MARCHF1: variants seen among roughly 807,000 people sequenced by gnomAD.
MARCHF1 encodes the protein E3 ubiquitin-protein ligase MARCHF1.
MARCHF1 carries 40 observed loss-of-function variants against 54.2 expected under a neutral mutation model. The observed-to-expected ratio is 0.74, with a 90% confidence interval of 0.57 to 0.96. The LOEUF is 0.96. Among genes scored for constraint, MARCHF1 ranks in the 40% least tolerant of loss-of-function variants. The pLI is 0.00. For synonymous variants in MARCHF1, 236 were observed against 236.3 expected (o/e 1.00, Z 0.01); for missense variants, 586 against 656.5 (o/e 0.89, Z 1.17).
intron 3 of MARCHF1, among the ~76,000 whole-genome samples, chr4:163,862,107 C>A (rs115617518): frequency 0.011 from 1,633 of 152,038 alleles, 24 homozygotes; most frequent in Non-Finnish European, 0.018. Context: ...AAACTGTAAA[C>A]CTCTACAAAG....
chr4:164,088,771 T>A (rs1755241591), intron 2 of MARCHF1, among the ~76,000 whole-genome samples: 1 of 151,924 alleles, frequency 6.6e-6, no homozygotes, highest in Non-Finnish European at 1.5e-5. Context: ...ACAAAATAAG[T>A]AACCAAATAA....
At chr4:164,056,603 G>A (rs1754496127) in intron 2 of MARCHF1, among the ~76,000 whole-genome samples, 1 of 152,098 alleles carries the variant, frequency 6.6e-6, no homozygotes, top group African/African-American at 2.4e-5. Context: ...TTTCCGACTT[G>A]TTCATTTAGA....
At chr4:163,745,902 A>G (rs1746344589) in intron 4 of MARCHF1, among the ~76,000 whole-genome samples, 1 of 152,198 alleles carries the variant, frequency 6.6e-6, no homozygotes, top group African/African-American at 2.4e-5. Context: ...TTGAAGGGAA[A>G]GCACACAGAT....
At chr4:164,320,637 GA>G (rs1735116679) in intron 1 of MARCHF1, among the ~76,000 whole-genome samples, 1 of 152,174 alleles carries the variant, frequency 6.6e-6, no homozygotes, top group Non-Finnish European at 1.5e-5. Flanking sequence ...AACACACAGA[GA>G]AGACTGAAAA....
At chr4:163,749,010 T>A (rs1282666174) in intron 4 of MARCHF1, among the ~76,000 whole-genome samples, 2 of 152,212 alleles carry the variant, frequency 1.3e-5, no homozygotes, top group African/African-American at 4.8e-5. Flanking sequence ...CTAACAGGTG[T>A]TGGTAATATT....
At chr4:163,773,652 G>C (rs538127168) in intron 4 of MARCHF1, among the ~76,000 whole-genome samples, 24 of 152,250 alleles carry the variant, frequency 1.6e-4, no homozygotes, top group African/African-American at 5.8e-4. Context: ...GTGTGAGACT[G>C]ACAAAAGCAA....
At chr4:164,375,245 G>A (rs1158483877) in intron 1 of MARCHF1, among the ~76,000 whole-genome samples, 1 of 151,984 alleles carries the variant, frequency 6.6e-6, no homozygotes, top group Non-Finnish European at 1.5e-5. Context: ...AATAAATCAA[G>A]TAAAATTTTA....
At chr4:164,051,790 C>G (rs1017113779) in intron 2 of MARCHF1, among the ~76,000 whole-genome samples, 1 of 152,170 alleles carries the variant, frequency 6.6e-6, no homozygotes, top group African/African-American at 2.4e-5. Context: ...AATGCACTGG[C>G]ACTACAGAAG....
chr4:163,833,248 A>C (rs1409441400), intron 4 of MARCHF1, among the ~76,000 whole-genome samples: 2 of 152,154 alleles, frequency 1.3e-5, no homozygotes, highest in Admixed American at 6.6e-5. Flanking sequence ...CCTCTCCAGC[A>C]CCTGTTGTTT....
intron 4 of MARCHF1, among the ~76,000 whole-genome samples, chr4:163,736,140 T>C (rs985890268): frequency 6.6e-6 from 1 of 152,184 alleles, no homozygotes; most frequent in African/African-American, 2.4e-5. Context: ...TCCTATTAAG[T>C]AGAAAACTTT....
At chr4:163,598,380 C>T (rs1740840167) in intron 7 of MARCHF1, among the ~76,000 whole-genome samples, 1 of 152,178 alleles carries the variant, frequency 6.6e-6, no homozygotes, top group Non-Finnish European at 1.5e-5. Context: ...TACAGTCACG[C>T]CATGCGTCCC....
At chr4:163,873,703 CA>C (rs1750229440) in intron 3 of MARCHF1, among the ~76,000 whole-genome samples, 2 of 152,106 alleles carry the variant, frequency 1.3e-5, no homozygotes, top group Admixed American at 1.3e-4. Context: ...AACAGTATGA[CA>C]AAAAAATTCC....
intron 4 of MARCHF1, among the ~76,000 whole-genome samples, chr4:163,766,531 T>G (rs1032529401): frequency 6.6e-6 from 1 of 152,182 alleles, no homozygotes; most frequent in Non-Finnish European, 1.5e-5. Flanking sequence ...CAGACTCTGT[T>G]CTACTCTCTA....
intron 1 of MARCHF1, among the ~76,000 whole-genome samples, chr4:164,267,135 G>C (rs893407661): frequency 6.6e-6 from 1 of 152,114 alleles, no homozygotes; most frequent in Non-Finnish European, 1.5e-5. Context: ...TGTATGGAAG[G>C]AAGGTTCATT....
At chr4:163,698,987 A>G (rs375361199) in intron 5 of MARCHF1, among the ~76,000 whole-genome samples, 9 of 152,176 alleles carry the variant, frequency 5.9e-5, no homozygotes, top group African/African-American at 2.2e-4. Context: ...TATTATCATC[A>G]TCCTTATGTC....
At chr4:163,747,840 G>A (rs534755926) in intron 4 of MARCHF1, among the ~76,000 whole-genome samples, 52 of 152,266 alleles carry the variant, frequency 3.4e-4, no homozygotes, top group African/African-American at 8.4e-4. Context: ...GGTCTGTCCC[G>A]TGGACCCTGG....
At chr4:163,902,405 T>C (rs1213528924) in intron 3 of MARCHF1, among the ~76,000 whole-genome samples, 2 of 152,208 alleles carry the variant, frequency 1.3e-5, no homozygotes, top group South Asian at 2.1e-4. Context: ...CAGAGTATCT[T>C]AAGTGGCATT....
At chr4:164,067,986 A>G (rs1464081725) in intron 2 of MARCHF1, among the ~76,000 whole-genome samples, 1 of 152,210 alleles carries the variant, frequency 6.6e-6, no homozygotes, top group Non-Finnish European at 1.5e-5. Flanking sequence ...ATTATCACTA[A>G]TCATCAGAGA....
intron 9 of MARCHF1, chr4:163,529,972 A>G (rs1418777666): frequency 6.6e-6 from 1 of 152,004 alleles, no homozygotes; most frequent in Non-Finnish European, 1.5e-5. Context: ...GTATGGCTCA[A>G]TACAGTGCAC....
Sources: allele counts gnomAD v4.1 joint callset (sites outside exome capture counted in the v4.1 genomes callset), GRCh38; gene constraint gnomAD v4.1.1; transcripts MANE v1.5; gene names NCBI Gene and HGNC (gene_info 2026-07-23, HGNC 2026-07-21).